The following KIF6 variants were observed in gnomAD, a reference collection of about 807,000 sequenced individuals.
KIF6 encodes kinesin family member 6.
In KIF6, 106 loss-of-function variants were observed where a neutral mutation model predicts 112.7. The observed-to-expected ratio is 0.94, with a 90% confidence interval of 0.80 to 1.11. KIF6 has a LOEUF of 1.11. Ranked by LOEUF, KIF6 falls within the 50% of genes least tolerant of loss-of-function variation. The pLI is 0.00. For synonymous variants in KIF6, 339 were observed against 339.9 expected (o/e 1.00, Z 0.03); for missense variants, 929 against 964.0 (o/e 0.96, Z 0.48).
intron 22 of KIF6, among the ~76,000 whole-genome samples, chr6:39,340,096 C>T (rs921071072): frequency 6.6e-6 from 1 of 152,176 alleles, no homozygotes; most frequent in African/African-American, 2.4e-5. Context: ...GGGACCAGAA[C>T]CATCTGCTGT....
intron 13 of KIF6, among the ~76,000 whole-genome samples, chr6:39,529,586 A>T (rs1300059226): frequency 6.6e-6 from 1 of 152,158 alleles, no homozygotes; most frequent in Non-Finnish European, 1.5e-5. Context: ...AGAGATTGAG[A>T]CTATTCTGGT....
intron 20 of KIF6, among the ~76,000 whole-genome samples, chr6:39,346,100 TCCCCCCCTCC>T (rs1562113060): frequency 7.4e-4 from 6 of 8,156 alleles, no homozygotes; most frequent in Middle Eastern, 0.17. Flanking sequence ...CCCCTCTCCC[TCCCCCCCTCC>T]CTCTCCCTCT....
At chr6:39,668,645 T>C (rs1354647736) in intron 3 of KIF6, among the ~76,000 whole-genome samples, 2 of 152,188 alleles carry the variant, frequency 1.3e-5, no homozygotes, top group Non-Finnish European at 2.9e-5. Flanking sequence ...GCCTTCTGTA[T>C]CCAGAACCCC....
At chr6:39,667,948 G>C in intron 3 of KIF6, among the ~76,000 whole-genome samples, 1 of 152,144 alleles carries the variant, frequency 6.6e-6, no homozygotes, top group Non-Finnish European at 1.5e-5. Flanking sequence ...CCATCCCCTT[G>C]ATGATGAGTG....
intron 12 of KIF6, among the ~76,000 whole-genome samples, chr6:39,541,374 G>A (rs1778776246): frequency 6.6e-6 from 1 of 152,192 alleles, no homozygotes; most frequent in South Asian, 2.1e-4. Context: ...GCTTCTTAGT[G>A]TCTAAGCATT....
intron 3 of KIF6, among the ~76,000 whole-genome samples, chr6:39,682,302 C>T (rs749215133): frequency 6.6e-6 from 1 of 152,188 alleles, no homozygotes; most frequent in Non-Finnish European, 1.5e-5. Flanking sequence ...CTACGACACA[C>T]CCAGGCTATA....
intron 10 of KIF6, among the ~76,000 whole-genome samples, chr6:39,568,754 T>C (rs974696219): frequency 1.3e-5 from 2 of 152,238 alleles, no homozygotes; most frequent in African/African-American, 4.8e-5. Context: ...TTTCACCATG[T>C]TGGCCAGGCT....
chr6:39,586,404 C>A lies in KIF6; in HGVS notation c.847G>T (p.Val283Phe), dbSNP rs759330972. 1 of 1,613,512 alleles carries A rather than the reference C, an allele frequency of 6.2e-7. No homozygotes were observed. The highest frequency in any genetic ancestry group is 1.1e-5 in the South Asian group (1 of 90,986). ...TGCTTTTCTGAAAGGGCAATGATAACCTGTGGTAAAGTAGAAAGATAATGG... is the reference window on the plus strand; with the variant it reads ...TGCTTTTCTGAAAGGGCAATGATAAACTGTGGTAAAGTAGAAAGATAATGG... ...INLSLHYLEQ[V>F]IIALSEKHRS... Residue 283 changes from valine (V) to phenylalanine (F), a missense_variant and splice_region_variant, in exon 8 of 23, where the codon GTT becomes TTT. Physicochemically the swap from Val to Phe is conservative, Grantham distance 50. Transcript: ENST00000287152.
chr6:39,346,086 C>CTCTCTCTCTCTCTCA (rs1326236666), intron 20 of KIF6, among the ~76,000 whole-genome samples: 1 of 27,000 alleles, frequency 3.7e-5, no homozygotes, highest in Non-Finnish European at 6.4e-5. Flanking sequence ...CTCTCTCTCT[C>CTCTCTCTCTCTCTCA]CCCCCCCTCT....
intron 3 of KIF6, among the ~76,000 whole-genome samples, chr6:39,645,902 T>C (rs2150779700): frequency 6.6e-6 from 1 of 151,034 alleles, no homozygotes; most frequent in African/African-American, 2.4e-5. Flanking sequence ...TCCTCACTCA[T>C]AGGTGGGAAT....
intron 3 of KIF6, among the ~76,000 whole-genome samples, chr6:39,651,084 A>G (rs1212759061): frequency 6.6e-6 from 1 of 152,182 alleles, no homozygotes; most frequent in Non-Finnish European, 1.5e-5. Flanking sequence ...TTAAAAACCC[A>G]AAGGGCTAAT....
At chr6:39,675,016 A>G (rs1787050641) in intron 3 of KIF6, among the ~76,000 whole-genome samples, 1 of 152,080 alleles carries the variant, frequency 6.6e-6, no homozygotes, top group South Asian at 2.1e-4. Flanking sequence ...CAGAAAGCCT[A>G]AAATCTCTCC....
chr6:39,462,355 A>T (rs556869382), intron 13 of KIF6, among the ~76,000 whole-genome samples: 13 of 152,348 alleles, frequency 8.5e-5, no homozygotes, highest in Admixed American at 5.2e-4. Context: ...AGGCAAACTC[A>T]TATGAAGATG....
At position 39,353,459 on chromosome 6, in the gene KIF6, A is replaced by G. The variant is rs530290422; in HGVS notation, c.2180+3818T>C. 2.6e-5 allele frequency among the ~76,000 whole-genome samples: 4 copies of G among 152,304 alleles called. No homozygotes were observed. The East Asian group carries it at 5.8e-4, about 22-fold the overall frequency. On this transcript the variant is annotated intron_variant, in intron 19 of 22. Coordinates refer to ENST00000287152, the MANE Select transcript of KIF6 (RefSeq NM_145027.6). ...TTGTTGAATTTTTAGAGCTCTTTGT[A>G]TACTTCAGATACAAGTCCTTTATCA...
At chr6:39,670,603 C>CGG (rs1251565621) in intron 3 of KIF6, among the ~76,000 whole-genome samples, 1 of 151,954 alleles carries the variant, frequency 6.6e-6, no homozygotes, top group African/African-American at 2.4e-5. Flanking sequence ...TTTGCAGACT[C>CGG]GGGGTGGGTG....
chr6:39,426,903 C>A (rs1260326524), intron 14 of KIF6, among the ~76,000 whole-genome samples: 2 of 152,154 alleles, frequency 1.3e-5, no homozygotes, highest in Admixed American at 6.5e-5. Context: ...GTGCTTAGAA[C>A]CTACTTGCTA....
intron 13 of KIF6, among the ~76,000 whole-genome samples, chr6:39,512,663 T>G (rs769693888): frequency 3.7e-4 from 56 of 152,186 alleles, no homozygotes; most frequent in Admixed American, 7.9e-4. Flanking sequence ...ATTGCTTTCA[T>G]TTCCCATCAG....
At chr6:39,504,075 A>G (rs1239249567) in intron 13 of KIF6, among the ~76,000 whole-genome samples, 1 of 152,086 alleles carries the variant, frequency 6.6e-6, no homozygotes, top group Admixed American at 6.6e-5. Context: ...TCAGGCCAAT[A>G]TTCTTGATGA....
At chr6:39,460,273 A>G (rs1773377500) in intron 13 of KIF6, among the ~76,000 whole-genome samples, 1 of 121,402 alleles carries the variant, frequency 8.2e-6, no homozygotes, top group Non-Finnish European at 1.7e-5. Context: ...CTATCGCAAG[A>G]ACAAAAAACC....
Sources: allele counts gnomAD v4.1 joint callset (sites outside exome capture counted in the v4.1 genomes callset), GRCh38; gene constraint gnomAD v4.1.1; transcripts MANE v1.5; gene names NCBI Gene and HGNC (gene_info 2026-07-23, HGNC 2026-07-21).